AVL9: variants seen among roughly 807,000 people sequenced by gnomAD.
The protein encoded by AVL9 is AVL9 cell migration associated, also known as late secretory pathway protein AVL9 homolog.
A neutral mutation model predicts 79.2 loss-of-function variants in AVL9; 49 were observed. The ratio of observed to expected loss-of-function variants is 0.62; its 90% CI spans 0.49 to 0.79. The LOEUF is 0.79. AVL9 is among the 30% of genes least tolerant of loss of function. AVL9 has a pLI of 0.00. For synonymous variants in AVL9, 299 were observed against 280.6 expected (o/e 1.07, Z -0.65); for missense variants, 682 against 776.8 (o/e 0.88, Z 1.45).
chr7:32,521,428 T>G (rs980246267), intron 1 of AVL9, among the ~76,000 whole-genome samples: 7 of 152,174 alleles, frequency 4.6e-5, no homozygotes, highest in African/African-American at 1.7e-4. Flanking sequence ...TAAAGGTGAC[T>G]TTTGTTATGT....
At chr7:32,570,506 A>G (rs186372075) in intron 11 of AVL9, among the ~76,000 whole-genome samples, 6 of 152,202 alleles carry the variant, frequency 3.9e-5, no homozygotes, top group South Asian at 2.1e-4. Flanking sequence ...AGTAATTTCA[A>G]TCCTTCTAGC....
intron 13 of AVL9, among the ~76,000 whole-genome samples, chr7:32,579,347 T>A (rs1257957744): frequency 1.3e-5 from 1 of 78,808 alleles, no homozygotes; most frequent in Non-Finnish European, 2.5e-5. Context: ...AACACATATT[T>A]TATATAATAT....
intron 1 of AVL9, among the ~76,000 whole-genome samples, chr7:32,503,365 T>TAGAG (rs796351504): frequency 4.8e-5 from 5 of 103,100 alleles, no homozygotes; most frequent in African/African-American, 2.0e-4. Flanking sequence ...TAGAGAGATA[T>TAGAG]ATATATATAC....
rs1357790661 is a variant in AVL9 at position 32,553,739 on chromosome 7, G to A, written c.542G>A (p.Arg181Gln). ...GTTAACATTGTAGGTCTGTCACCTC[G>A]AGATCTTGTCCTTCATTTTCGACAC... Reference protein sequence around the residue: ...GSQVYLGLSPRDLVLHFRHKV... With the variant: ...GSQVYLGLSPQDLVLHFRHKV... Residue 181 changes from arginine to glutamine, a missense_variant, in exon 7 of 16, where the codon CGA (arginine) becomes CAA (glutamine). Arg to Gln is a conservative substitution (Grantham distance 43). Transcript: ENST00000318709. 13 of 1,609,606 alleles carry A rather than the reference G, an allele frequency of 8.1e-6. No individual in the cohort carries two copies. The highest frequency in any genetic ancestry group is 2.2e-5 in the East Asian group (1 of 44,802).
At chr7:32,530,603 A>G (rs898365425) in intron 1 of AVL9, among the ~76,000 whole-genome samples, 1 of 152,234 alleles carries the variant, frequency 6.6e-6, no homozygotes, top group Non-Finnish European at 1.5e-5. Flanking sequence ...CTTTTAAACA[A>G]ACATAATTCT....
rs527854780 is a variant in AVL9 at position 32,559,461 on chromosome 7, A to G, written c.1212A>G (p.Thr404=). The change falls in exon 10 of 16, where the codon ACA becomes ACG. Residue 404 remains threonine (T), a synonymous_variant. Coordinates refer to ENST00000318709, the MANE Select transcript of AVL9 (RefSeq NM_015060.3). ...ATGGCATGCCCCTGGCCATCTTCACAAAGGTAAAGTGTAATATTTTTTATC... is the reference window on the plus strand; with the variant it reads ...ATGGCATGCCCCTGGCCATCTTCACGAAGGTAAAGTGTAATATTTTTTATC... ...DQYGMPLAIF[T]KGYLCLPYMA... is the part of the protein sequence containing the mutation. 37 of 1,533,174 alleles carry G rather than the reference A, an allele frequency of 2.4e-5. No homozygotes were observed. The highest frequency in any genetic ancestry group is 3.5e-4 in the Middle Eastern group (2 of 5,688). 95.0% of individuals were successfully genotyped at this position (1,533,174 alleles called of 1,614,324 possible).
In AVL9 at chr7:32,531,553, C is replaced by CT. The variant is rs1298667010; in HGVS notation, c.94-11585dup. ...CTGAGGCAGGATATATCCCTGACCCCTTTGCGGGACTCACAACAGGGTACC... is the reference window on the plus strand; with the variant it reads ...CTGAGGCAGGATATATCCCTGACCCCTTTTGCGGGACTCACAACAGGGTACC... On this transcript the variant is annotated intron_variant, in intron 1 of 15. Coordinates refer to ENST00000318709, the MANE Select transcript of AVL9 (RefSeq NM_015060.3). 2.0e-5 allele frequency: 3 copies of CT among 152,150 alleles called. No homozygotes were observed. In the South Asian group the frequency reaches 6.2e-4, roughly 32 times the overall value. The allele number at this position is 152,150 out of a possible 1,614,324, so 9.4% of individuals were successfully genotyped here.
intron 2 of AVL9, 84 bp downstream of exon 2, chr7:32,543,345 T>A: frequency 6.7e-7 from 1 of 1,495,516 alleles, no homozygotes; most frequent in Non-Finnish European, 9.1e-7. Flanking sequence ...ACTTAGAAAT[T>A]AAAGGCCTTC....
rs71559236 is a variant in AVL9, at chr7:32,548,151, C to CTTTTGTTTTCTTTTTGTT, written c.301-692_301-691insGTTTTCTTTTTGTTTTTT. ...TGTCTGTTTTTGTCATCTCTTTTTT[C>CTTTTGTTTTCTTTTTGTT]TTTTTTTTTTTTTTGAGACGGAGTC... On this transcript the variant is annotated intron_variant, in intron 3 of 15. Coordinates refer to ENST00000318709, the MANE Select transcript of AVL9 (RefSeq NM_015060.3). Among the ~76,000 whole-genome samples the CTTTTGTTTTCTTTTTGTT allele has an allele frequency of 3.0e-5, 4 of 131,596 alleles. 1 individual carries two copies. Among genetic ancestry groups the CTTTTGTTTTCTTTTTGTT allele is most frequent in the Non-Finnish European group, 4.7e-5 (3 of 63,410 alleles). The allele number at this position is 131,596 out of a possible 152,430, so 86.3% of individuals were successfully genotyped here.
intron 1 of AVL9, among the ~76,000 whole-genome samples, chr7:32,526,678 C>T (rs1225638857): frequency 6.6e-6 from 1 of 152,052 alleles, no homozygotes; most frequent in African/African-American, 2.4e-5. Context: ...CATCCTGTTT[C>T]TATCTGTGAA....
intron 1 of AVL9, among the ~76,000 whole-genome samples, chr7:32,506,756 AAAAG>A (rs1314197163): frequency 1.3e-5 from 2 of 151,964 alleles, no homozygotes; most frequent in Non-Finnish European, 2.9e-5. Flanking sequence ...TAAAAAAAAA[AAAAG>A]AAAGTGAAAC....
At chr7:32,571,096 G>C (rs1341496865) in intron 11 of AVL9, among the ~76,000 whole-genome samples, 3 of 150,628 alleles carry the variant, frequency 2.0e-5, no homozygotes, top group Non-Finnish European at 4.4e-5. Flanking sequence ...GCCAGACATG[G>C]TGGTGCATGC....
chr7:32,497,740 C>A (rs1355251645), intron 1 of AVL9, among the ~76,000 whole-genome samples: 1 of 151,524 alleles, frequency 6.6e-6, no homozygotes, highest in Non-Finnish European at 1.5e-5. Context: ...CAAGCTCTGC[C>A]TCCTGGGTTC....
chr7:32,518,020 G>A lies in AVL9; in HGVS notation c.93+22218G>A, dbSNP rs143292583. Reference sequence around the variant, plus strand: ...TAATTTTTTTATTTTTAGTGGAGACGGAGTTTCACCATGTTGGCCAGGCTG... The same window carrying A: ...TAATTTTTTTATTTTTAGTGGAGACAGAGTTTCACCATGTTGGCCAGGCTG... On this transcript the variant is annotated intron_variant, in intron 1 of 15. Transcript: ENST00000318709. Among the ~76,000 whole-genome samples the A allele has an allele frequency of 5.6e-3, 850 of 151,982 alleles. 8 individuals carry two copies. Among genetic ancestry groups the A allele is most frequent in the African/African-American group, 0.019 (793 of 41,446 alleles).
intron 10 of AVL9, among the ~76,000 whole-genome samples, chr7:32,568,579 C>T (rs1790688125): frequency 6.6e-6 from 1 of 152,022 alleles, no homozygotes; most frequent in African/African-American, 2.4e-5. Flanking sequence ...TATTTAGTCC[C>T]CTATTCATGA....
rs1488568152 is a variant in AVL9, at chr7:32,552,266, C to T, written c.500C>T (p.Ala167Val). The part of the protein sequence containing the change: ...YEHMNSSLGG[A>V]SLEGSQVYLG... ...CATATGAATAGTTCCTTGGGAGGTGCTTCATTAGAAGGATCCCAAGTATAT... is the reference window on the plus strand; with the variant it reads ...CATATGAATAGTTCCTTGGGAGGTGTTTCATTAGAAGGATCCCAAGTATAT... The change falls in exon 6 of 16, where the codon GCT (alanine) becomes GTT (valine). Residue 167 changes from alanine to valine, a missense_variant. Physicochemically the swap from Ala to Val is moderately conservative, Grantham distance 64. Coordinates refer to ENST00000318709, the MANE Select transcript of AVL9 (RefSeq NM_015060.3). 1 of 1,603,398 alleles carries T rather than the reference C, an allele frequency of 6.2e-7. No individual in the cohort carries two copies. The highest frequency in any genetic ancestry group is 8.5e-7 in the Non-Finnish European group (1 of 1,171,226).
chr7:32,556,121 A>G (rs945232853), intron 8 of AVL9, among the ~76,000 whole-genome samples: 3 of 152,228 alleles, frequency 2.0e-5, no homozygotes, highest in African/African-American at 7.2e-5. Context: ...ATTAATTGAA[A>G]AGGGACTGGA....
At chr7:32,501,136 G>T (rs1167269688) in intron 1 of AVL9, among the ~76,000 whole-genome samples, 1 of 152,220 alleles carries the variant, frequency 6.6e-6, no homozygotes. Flanking sequence ...TGCAAATTTA[G>T]AAATGGGTTG....
intron 1 of AVL9, among the ~76,000 whole-genome samples, chr7:32,510,536 C>T (rs967561903): frequency 1.4e-5 from 2 of 145,124 alleles, no homozygotes; most frequent in Non-Finnish European, 3.1e-5. Flanking sequence ...TTCTGAACTG[C>T]CCCAGTATGA....
Sources: gnomAD v4.1 joint callset for allele counts (sites outside exome capture counted in the v4.1 genomes callset) on GRCh38, gnomAD v4.1.1 for gene constraint, MANE v1.5 for transcripts, NCBI Gene and HGNC (gene_info 2026-07-23, HGNC 2026-07-21) for gene names.